NAALADL2: variants seen among roughly 807,000 people sequenced by gnomAD.
NAALADL2 encodes N-acetylated alpha-linked acidic dipeptidase like 2, also known as inactive N-acetylated-alpha-linked acidic dipeptidase-like protein 2.
A neutral mutation model predicts 87.2 loss-of-function variants in NAALADL2; 76 were observed. That is an observed-to-expected ratio of 0.87 (90% CI 0.72 to 1.05). NAALADL2 has a LOEUF of 1.05. Among genes scored for constraint, NAALADL2 ranks in the 50% least tolerant of loss-of-function variants. NAALADL2 has a pLI of 0.00. For synonymous variants in NAALADL2, 354 were observed against 331.0 expected, an observed-to-expected ratio of 1.07 and a Z score of -0.75; for missense variants, 1,089 against 945.8, an observed-to-expected ratio of 1.15 and a Z score of -1.99.
intron 1 of NAALADL2, among the ~76,000 whole-genome samples, chr3:174,948,479 AATTT>A (rs1250957623): frequency 6.6e-6 from 1 of 152,052 alleles, no homozygotes; most frequent in Non-Finnish European, 1.5e-5. Context: ...GCCTGGCAAG[AATTT>A]ATTTTTTTAT....
At chr3:175,171,152 A>T (rs7637420) in intron 2 of NAALADL2, among the ~76,000 whole-genome samples, 126,363 of 151,836 alleles carry the variant, frequency 0.83, 52,913 homozygotes, top group East Asian at 0.93. Context: ...AACTCATACA[A>T]CTCAGGCTTA....
intron 1 of NAALADL2, among the ~76,000 whole-genome samples, chr3:174,541,506 G>A (rs1722218826): frequency 6.6e-6 from 1 of 152,118 alleles, no homozygotes; most frequent in Admixed American, 6.6e-5. Flanking sequence ...AACACATATT[G>A]AATAAATTGA....
At chr3:174,760,026 T>C (rs1200171140) in intron 3 of NAALADL2, among the ~76,000 whole-genome samples, 12 of 152,210 alleles carry the variant, frequency 7.9e-5, no homozygotes, top group Non-Finnish European at 1.6e-4. Context: ...TGGCTAATGT[T>C]TCACAGTACA....
At chr3:175,101,913 A>G (rs1162235930) in intron 2 of NAALADL2, among the ~76,000 whole-genome samples, 3 of 149,946 alleles carry the variant, frequency 2.0e-5, no homozygotes, top group Admixed American at 1.3e-4. Context: ...CAATATGTAC[A>G]GAAAATTATA....
At chr3:174,622,884 G>A in intron 2 of NAALADL2, among the ~76,000 whole-genome samples, 1 of 151,940 alleles carries the variant, frequency 6.6e-6, no homozygotes, top group East Asian at 1.9e-4. Flanking sequence ...ACTAAAAAAA[G>A]TACAAAAAAT....
intron 9 of NAALADL2, among the ~76,000 whole-genome samples, chr3:175,540,627 A>G (rs554818603): frequency 6.6e-6 from 1 of 152,212 alleles, no homozygotes; most frequent in East Asian, 1.9e-4. Flanking sequence ...ATAGAAGGCC[A>G]TTGCAATAGT....
At chr3:175,584,910 T>C (rs574370325) in intron 10 of NAALADL2, among the ~76,000 whole-genome samples, 3 of 152,266 alleles carry the variant, frequency 2.0e-5, no homozygotes, top group East Asian at 1.9e-4. Context: ...CTGTGCACTA[T>C]TAAAGACTTA....
At chr3:175,089,815 A>G (rs550675612) in intron 1 of NAALADL2, among the ~76,000 whole-genome samples, 1 of 152,324 alleles carries the variant, frequency 6.6e-6, no homozygotes, top group East Asian at 1.9e-4. Context: ...TATATTAACA[A>G]CTGAGATCAG....
chr3:175,555,950 C>G (rs2149500629), intron 9 of NAALADL2, among the ~76,000 whole-genome samples: 1 of 152,256 alleles, frequency 6.6e-6, no homozygotes, highest in South Asian at 2.1e-4. Context: ...CTTAATTCCT[C>G]TTAATTCTTT....
chr3:175,634,424 A>G (rs1194032702), intron 11 of NAALADL2, among the ~76,000 whole-genome samples: 1 of 152,042 alleles, frequency 6.6e-6, no homozygotes, highest in Non-Finnish European at 1.5e-5. Flanking sequence ...TTCTCATTTT[A>G]TAACTATAGA....
At chr3:174,654,082 G>C (rs1447769293) in intron 2 of NAALADL2, among the ~76,000 whole-genome samples, 1 of 151,780 alleles carries the variant, frequency 6.6e-6, no homozygotes, top group Non-Finnish European at 1.5e-5. Flanking sequence ...GTGTGTGTGT[G>C]TGTGTGTGTG....
At chr3:175,094,593 C>T (rs928023935) in intron 1 of NAALADL2, among the ~76,000 whole-genome samples, 1 of 151,704 alleles carries the variant, frequency 6.6e-6, no homozygotes, top group Non-Finnish European at 1.5e-5. Context: ...TGCTACACTT[C>T]CTTGAATCAT....
intron 2 of NAALADL2, among the ~76,000 whole-genome samples, chr3:175,106,941 T>A (rs1008290204): frequency 6.6e-6 from 1 of 151,988 alleles, no homozygotes; most frequent in Non-Finnish European, 1.5e-5. Flanking sequence ...AATATTGTAG[T>A]CACTTAAAAA....
At chr3:175,154,969 T>A (rs1732086485) in intron 2 of NAALADL2, among the ~76,000 whole-genome samples, 1 of 152,164 alleles carries the variant, frequency 6.6e-6, no homozygotes, top group Admixed American at 6.6e-5. Context: ...GGAGAAAATG[T>A]CAGAAAGAAG....
Position 174,667,545 on chromosome 3 carries a change from G to GTTTTTTTTT in NAALADL2, c.-114-70087_-114-70079dup, listed in dbSNP as rs71162402. Among the ~76,000 whole-genome samples, 48 of 123,738 alleles carry GTTTTTTTTT rather than the reference G, an allele frequency of 3.9e-4. 1 individual carries two copies. Among genetic ancestry groups the GTTTTTTTTT allele is most frequent in the Admixed American group, 6.1e-4 (7 of 11,452 alleles). The allele number at this position is 123,738 out of a possible 152,430, so 81.2% of individuals were successfully genotyped here. A position where few individuals can be genotyped will look rare whatever the true frequency, so the allele number is the denominator to read the frequency against. On this transcript the variant is annotated intron_variant, in intron 2 of 3. Transcript: ENST00000434257. ...CTGAAAACTCTCCAGATGGGAGAGAGTTTTTTTTTTTTTTTTTATAGCAAG... is the reference window on the plus strand; with the variant it reads ...CTGAAAACTCTCCAGATGGGAGAGAGTTTTTTTTTTTTTTTTTTTTTTTTTTATAGCAAG...
intron 1 of NAALADL2, among the ~76,000 whole-genome samples, chr3:174,442,186 A>T (rs1183035762): frequency 6.6e-6 from 1 of 152,148 alleles, no homozygotes; most frequent in Non-Finnish European, 1.5e-5. Context: ...CCTCAGGAGA[A>T]GGGACCATGG....
chr3:175,262,431 G>A (rs1751196966), intron 4 of NAALADL2, among the ~76,000 whole-genome samples: 1 of 151,988 alleles, frequency 6.6e-6, no homozygotes, highest in Admixed American at 6.6e-5. Flanking sequence ...TGCGGTAGAA[G>A]TTGGTGGAAC....
intron 2 of NAALADL2, among the ~76,000 whole-genome samples, chr3:175,123,742 A>G (rs762299249): frequency 4.6e-5 from 7 of 151,792 alleles, no homozygotes; most frequent in Admixed American, 3.3e-4. Flanking sequence ...CCACTGTGAA[A>G]CATTATCAAA....
intron 1 of NAALADL2, among the ~76,000 whole-genome samples, chr3:174,862,002 T>C (rs1726565608): frequency 6.6e-6 from 1 of 152,026 alleles, no homozygotes; most frequent in Admixed American, 6.6e-5. Flanking sequence ...ATCTCCTCTT[T>C]TAGTCCCAAT....
Sources: gnomAD v4.1 joint callset for allele counts (sites outside exome capture counted in the v4.1 genomes callset) on GRCh38, gnomAD v4.1.1 for gene constraint, MANE v1.5 for transcripts, NCBI Gene and HGNC (gene_info 2026-07-23, HGNC 2026-07-21) for gene names.